VPS54: variants seen among roughly 807,000 people sequenced by gnomAD.
VPS54 encodes the protein VPS54 subunit of GARP complex.
VPS54 carries 45 observed loss-of-function variants against 121.5 expected under a neutral mutation model. That is an observed-to-expected ratio of 0.37 (90% CI 0.29 to 0.47). The LOEUF (loss-of-function observed/expected upper bound fraction) is 0.47, where lower values mean the gene tolerates loss of function less well. Among genes scored for constraint, VPS54 ranks in the 20% least tolerant of loss-of-function variants. The pLI, the probability that VPS54 is intolerant of heterozygous loss-of-function variation, is 0.99. For missense variants in VPS54, 1,090 were observed against 1,131.4 expected (o/e 0.96, Z 0.52); for synonymous variants, 371 against 385.8 (o/e 0.96, Z 0.45).
Position 63,912,666 on chromosome 2 carries a change from A to G in VPS54, c.2423-5T>C, listed in dbSNP as rs1256002321. On this transcript the variant is annotated splice_polypyrimidine_tract_variant and splice_region_variant and intron_variant, in intron 18 of 22. Coordinates refer to ENST00000272322, the MANE Select transcript of VPS54 (RefSeq NM_016516.3). ...GCAAACATCGTGAAGAAAGAGCTGA[A>G]GATCCAGGGAGTAGATATATAATGG... is the stretch of plus-strand genomic sequence containing the variant. 6.4e-7 allele frequency: 1 copy of G among 1,568,810 alleles called. No individual in the cohort carries two copies. The highest frequency in any genetic ancestry group is 1.2e-5 in the South Asian group (1 of 82,300).
At chr2:63,915,292 T>C (rs1340542895) in intron 16 of VPS54, among the ~76,000 whole-genome samples, 2 of 151,126 alleles carry the variant, frequency 1.3e-5, no homozygotes, top group Admixed American at 6.6e-5. Context: ...CCATTCATCA[T>C]AGGATATCTA....
chr2:63,963,213 G>A (rs192246218), intron 6 of VPS54, among the ~76,000 whole-genome samples: 1 of 151,888 alleles, frequency 6.6e-6, no homozygotes, highest in Non-Finnish European at 1.5e-5. Context: ...TATTTCCAAT[G>A]AATTTTCCTC....
At chr2:63,980,100 T>C (rs1676740070) in intron 3 of VPS54, among the ~76,000 whole-genome samples, 1 of 152,186 alleles carries the variant, frequency 6.6e-6, no homozygotes, top group Non-Finnish European at 1.5e-5. Flanking sequence ...GCCATAAAAT[T>C]CTCAGCTTCT....
At position 63,962,214 on chromosome 2, in the gene VPS54, T is replaced by G; in HGVS notation, c.854A>C (p.Lys285Thr). The change falls in exon 7 of 23, where the codon AAA (lysine) becomes ACA (threonine). Residue 285 changes from lysine (K) to threonine (T), a missense_variant. By Grantham distance (78) the Lys-to-Thr change is moderately conservative. Coordinates refer to ENST00000272322, the MANE Select transcript of VPS54 (RefSeq NM_016516.3). ...RLALTRNNCVKVYNKLKLMAT... is the reference protein window; with the variant it reads ...RLALTRNNCVTVYNKLKLMAT... ...CATTAACTTCAGCTTATTGTATACT[T>G]TAACACAATTATTTCTGGTAAGTGC... 1 of 1,614,022 alleles carries G rather than the reference T, an allele frequency of 6.2e-7. No homozygotes were observed. Among genetic ancestry groups the G allele is most frequent in the Non-Finnish European group, 8.5e-7 (1 of 1,179,892 alleles).
At chr2:64,002,606 C>T (rs1418668506) in intron 1 of VPS54, among the ~76,000 whole-genome samples, 1 of 152,082 alleles carries the variant, frequency 6.6e-6, no homozygotes, top group East Asian at 1.9e-4. Flanking sequence ...AAAAAAAATC[C>T]TAAGTGCCAT....
intron 12 of VPS54, among the ~76,000 whole-genome samples, chr2:63,923,809 G>C (rs932337551): frequency 6.6e-6 from 1 of 152,160 alleles, no homozygotes; most frequent in Non-Finnish European, 1.5e-5. Flanking sequence ...TAAGAAAATA[G>C]GGAAAATCTA....
chr2:63,941,689 C>T (rs988333846), intron 11 of VPS54, among the ~76,000 whole-genome samples: 7 of 152,028 alleles, frequency 4.6e-5, no homozygotes, highest in Non-Finnish European at 1.0e-4. Flanking sequence ...TTAAATGTAA[C>T]ACATGATGCT....
intron 1 of VPS54, among the ~76,000 whole-genome samples, chr2:63,997,846 C>T (rs1677674717): frequency 6.6e-6 from 1 of 151,782 alleles, no homozygotes; most frequent in East Asian, 1.9e-4. Context: ...ATAAACTTTC[C>T]TCTTTGTATC....
Position 63,933,919 on chromosome 2 carries a change from G to C in VPS54, c.1493C>G (p.Ala498Gly). The change falls in exon 12 of 23, where the codon GCT becomes GGT. Residue 498 changes from alanine to glycine, a missense_variant. Physicochemically the swap from Ala to Gly is moderately conservative, Grantham distance 60. This residue lies in a region of VPS54 where 801 missense variants were observed against 757.0 expected (regional missense o/e 1.06). Transcript: ENST00000272322. ...ELEEISQQKN[A>G]AKDNSLDTEV... ...TGTGTCCAGTGAATTATCTTTTGCA[G>C]CATTCTTCTGTTGTGAAATCTCTTC... The C allele has an allele frequency of 6.2e-7, 1 of 1,613,696 alleles. No individual in the cohort carries two copies. The highest frequency in any genetic ancestry group is 8.5e-7 in the Non-Finnish European group (1 of 1,179,794).
intron 1 of VPS54, among the ~76,000 whole-genome samples, chr2:63,999,582 A>G (rs1280391120): frequency 1.3e-5 from 2 of 151,984 alleles, no homozygotes; most frequent in African/African-American, 2.4e-5. Flanking sequence ...TCTGGGTGAA[A>G]TTTGCTTAGT....
At chr2:63,977,048 C>A (rs936108600) in intron 3 of VPS54, among the ~76,000 whole-genome samples, 1 of 151,932 alleles carries the variant, frequency 6.6e-6, no homozygotes, top group Non-Finnish European at 1.5e-5. Flanking sequence ...AGGCTGGTCT[C>A]GAACTCCTGG....
At chr2:63,976,924 G>T (rs1313448622) in intron 3 of VPS54, among the ~76,000 whole-genome samples, 1 of 148,080 alleles carries the variant, frequency 6.8e-6, no homozygotes, top group Non-Finnish European at 1.5e-5. Flanking sequence ...CGCCTCCCAG[G>T]TTCACGTGAT....
chr2:63,926,568 C>T (rs183472355), intron 12 of VPS54, among the ~76,000 whole-genome samples: 3 of 152,290 alleles, frequency 2.0e-5, no homozygotes, highest in Admixed American at 6.5e-5. Flanking sequence ...CCAGCGAGAT[C>T]GACGCAGAAG....
chr2:63,959,748 C>T (rs891958473), intron 7 of VPS54, among the ~76,000 whole-genome samples: 2 of 151,918 alleles, frequency 1.3e-5, no homozygotes, highest in African/African-American at 2.4e-5. Context: ...AGGCCAGGCA[C>T]GGTAGCTCAC....
At chr2:64,014,731 T>C (rs1262951581) in intron 1 of VPS54, among the ~76,000 whole-genome samples, 1 of 112,040 alleles carries the variant, frequency 8.9e-6, no homozygotes, top group Non-Finnish European at 2.3e-5. Flanking sequence ...TGCATCTTAA[T>C]ACATATTACC....
intron 1 of VPS54, among the ~76,000 whole-genome samples, chr2:63,990,857 G>C (rs1456367400): frequency 1.3e-5 from 2 of 152,194 alleles, no homozygotes; most frequent in Admixed American, 6.5e-5. Context: ...ATTTAAGGAT[G>C]CTTGTACTCA....
At chr2:63,996,320 C>A (rs181437085) in intron 1 of VPS54, among the ~76,000 whole-genome samples, 1 of 152,064 alleles carries the variant, frequency 6.6e-6, no homozygotes, top group Non-Finnish European at 1.5e-5. Flanking sequence ...TATCACTTCC[C>A]CAATCAATAC....
chr2:63,934,175 T>G (rs2104487104), intron 11 of VPS54, among the ~76,000 whole-genome samples, 162 bp from the exon 12 acceptor site: 1 of 152,232 alleles, frequency 6.6e-6, no homozygotes, highest in South Asian at 2.1e-4. Flanking sequence ...ATAGGAAAAG[T>G]GATGTGAAAA....
chr2:63,998,816 G>C lies in VPS54; in HGVS notation c.-20-14797C>G, dbSNP rs189719124. ...GGCCCCTTTTAATTTCTCTAATTAA[G>C]GCTAGTTTACACACCAGTTATCATG... On this transcript the variant is annotated intron_variant, in intron 1 of 22. Transcript: ENST00000272322. Among the ~76,000 whole-genome samples the C allele has an allele frequency of 2.1e-3, 316 of 151,944 alleles. 6 individuals are homozygous for C. Among genetic ancestry groups the C allele is most frequent in the Admixed American group, 0.019 (289 of 15,270 alleles).
Sources: allele counts gnomAD v4.1 joint callset (sites outside exome capture counted in the v4.1 genomes callset), GRCh38; gene constraint gnomAD v4.1.1; regional missense constraint gnomAD v4.1.1; transcripts MANE v1.5; gene names NCBI Gene and HGNC (gene_info 2026-07-23, HGNC 2026-07-21).